The following ZNF99 variants were observed in gnomAD, a reference collection of about 807,000 sequenced individuals.
The protein encoded by ZNF99 is zinc finger protein ENSP00000375192.
A neutral mutation model predicts 12.8 loss-of-function variants in ZNF99; 8 were observed. The ratio of observed to expected loss-of-function variants is 0.62; its 90% CI spans 0.37 to 1.13. The LOEUF is 1.13. ZNF99 is among the 50% of genes most tolerant of loss of function. The probability of loss-of-function intolerance (pLI) is 0.02; values close to 1 mark genes in which losing one functional copy is unlikely to be tolerated. For missense variants in ZNF99, 1,007 were observed against 1,006.2 expected (o/e 1.00, Z -0.01); for synonymous variants, 318 against 319.0 (o/e 1.00, Z 0.03).
Position 22,768,636 on chromosome 19 carries a change from A to AT in ZNF99, c.131-237dup, listed in dbSNP as rs201759448. On this transcript the variant is annotated intron_variant, in intron 2 of 3. Coordinates refer to ENST00000596209, the MANE Select transcript of ZNF99 (RefSeq NM_001080409.3). ...TGAGATTTCAAGGTGTGGCAACTACATTTTATGCCACTAAATTTCTTCAAT... is the reference window on the plus strand; with the variant it reads ...TGAGATTTCAAGGTGTGGCAACTACATTTTTATGCCACTAAATTTCTTCAAT... Among the ~76,000 whole-genome samples, 1,370 of 152,308 alleles carry AT rather than the reference A, an allele frequency of 9.0e-3. 11 individuals are homozygous for AT. Among genetic ancestry groups the AT allele is most frequent in the Non-Finnish European group, 0.014 (975 of 68,040 alleles).
In ZNF99 at chr19:22,754,098, T is replaced by C; in HGVS notation, c.*3216A>G. ...TCGACCGGGCTCAATGGCTCATGCT[T>C]GTAATCCCAGCACTTTGGGGCACTT... On this transcript the variant is annotated 3_prime_UTR_variant, in exon 4 of 4. Coordinates refer to ENST00000596209, the MANE Select transcript of ZNF99 (RefSeq NM_001080409.3). The C allele has an allele frequency of 2.2e-6, 1 of 455,152 alleles. No individual in the cohort carries two copies. Among genetic ancestry groups the C allele is most frequent in the Non-Finnish European group, 4.4e-6 (1 of 226,740 alleles). 28.2% of individuals were successfully genotyped at this position (455,152 alleles called of 1,614,324 possible).
chr19:22,764,699 G>C (rs1473727021), intron 3 of ZNF99, among the ~76,000 whole-genome samples: 1 of 151,718 alleles, frequency 6.6e-6, no homozygotes, highest in Admixed American at 6.6e-5. Context: ...TTCAACAGAA[G>C]ATATACAAAT....
chr19:22,768,322 A>T lies in ZNF99; in HGVS notation c.209T>A (p.Met70Lys). ...TCACATACCTGGGGGTTTAGTTACC[A>T]TCTCATGTCTCTTCATATTCCAAGG... Reference protein sequence around the residue: ...KEPWNMKRHEMVTKPPVISSH... With the variant: ...KEPWNMKRHEKVTKPPVISSH... Residue 70 changes from methionine (M) to lysine (K), a missense_variant, in exon 3 of 4, where the codon ATG (methionine) becomes AAG (lysine). Physicochemically the swap from Met to Lys is moderately conservative, Grantham distance 95. Coordinates refer to ENST00000596209, the MANE Select transcript of ZNF99 (RefSeq NM_001080409.3). 1 of 1,613,832 alleles carries T rather than the reference A, an allele frequency of 6.2e-7. No homozygotes were observed. The highest frequency in any genetic ancestry group is 1.7e-4 in the Middle Eastern group (1 of 6,050).
intron 3 of ZNF99, among the ~76,000 whole-genome samples, chr19:22,761,321 A>G (rs1486917552): frequency 6.6e-6 from 1 of 152,176 alleles, no homozygotes; most frequent in Non-Finnish European, 1.5e-5. Flanking sequence ...CATGCTAAAC[A>G]AGAGGTTCAT....
In ZNF99 at chr19:22,757,838, C is replaced by A; in HGVS notation, c.2071G>T (p.Ala691Ser). The A allele has an allele frequency of 6.2e-7, 1 of 1,608,608 alleles. No homozygotes were observed. The highest frequency in any genetic ancestry group is 8.5e-7 in the Non-Finnish European group (1 of 1,177,876). Reference protein sequence around the residue: ...ECGKAFNHFSALRKHKIIHTG... With the variant: ...ECGKAFNHFSSLRKHKIIHTG... ...TGAATTATCTTATGTTTCCTAAGGG[C>A]TGAGAAATGGTTAAAAGCCTTGCCA... The change falls in exon 4 of 4, where the codon GCC becomes TCC. Residue 691 changes from alanine to serine, a missense_variant. Ala to Ser is a moderately conservative substitution (Grantham distance 99, BLOSUM62 1). Transcript: ENST00000596209.
At chr19:22,763,090 A>C (rs1272778449) in intron 3 of ZNF99, among the ~76,000 whole-genome samples, 1 of 152,080 alleles carries the variant, frequency 6.6e-6, no homozygotes, top group African/African-American at 2.4e-5. Context: ...AAGGATGCCC[A>C]CTTTCACCCC....
At chr19:22,766,540 T>C (rs1226044935) in intron 3 of ZNF99, among the ~76,000 whole-genome samples, 1 of 151,996 alleles carries the variant, frequency 6.6e-6, no homozygotes, top group Non-Finnish European at 1.5e-5. Context: ...GGTTTCATTG[T>C]GTTGGCCAGG....
intron 3 of ZNF99, among the ~76,000 whole-genome samples, chr19:22,766,332 ATTTCT>A (rs761638794): frequency 2.0e-5 from 3 of 148,428 alleles, no homozygotes; most frequent in Non-Finnish European, 4.4e-5. Context: ...ATGTAACTTT[ATTTCT>A]TTTCTTTTCT....
chr19:22,771,415 C>G (rs1301097958), intron 1 of ZNF99, among the ~76,000 whole-genome samples: 9 of 151,386 alleles, frequency 5.9e-5, no homozygotes, highest in Non-Finnish European at 1.3e-4. Flanking sequence ...GCCACCACGC[C>G]CGGCTAATTT....
At position 22,782,419 on chromosome 19, in the gene ZNF99, G is replaced by A. The variant is rs144832582; in HGVS notation, c.3+1595C>T. On this transcript the variant is annotated intron_variant, in intron 1 of 3. Transcript: ENST00000596209. ...TGCCCAGAATGGACTGCAATGGCGC[G>A]ATCTCGGCTCACCGCAACCTCTATC... Among the ~76,000 whole-genome samples, 23 of 151,598 alleles carry A rather than the reference G, an allele frequency of 1.5e-4. 1 individual carries two copies. In the East Asian group the frequency reaches 2.3e-3, roughly 15 times the overall value.
In ZNF99 at chr19:22,752,533, A is replaced by G. The variant is rs941609174; in HGVS notation, c.*4781T>C. 10 of 152,090 alleles carry G rather than the reference A, an allele frequency of 6.6e-5. No homozygotes were observed. Among genetic ancestry groups the G allele is most frequent in the Admixed American group, 6.5e-4 (10 of 15,270 alleles). 9.4% of individuals were successfully genotyped at this position (152,090 alleles called of 1,614,324 possible). A position where few individuals can be genotyped will look rare whatever the true frequency, so the allele number is the denominator to read the frequency against. ...GTATAAAAATGTAACCTACGAGAAC[A>G]ATATTCTTTAATTTATTTGCAGGTT... On this transcript the variant is annotated 3_prime_UTR_variant, in exon 4 of 4. Transcript: ENST00000596209.
rs972831064 is a variant in ZNF99, at chr19:22,767,615, TA to T, written c.226+689del. 8.0e-4 allele frequency among the ~76,000 whole-genome samples: 122 copies of T among 152,032 alleles called. 1 individual carries two copies. The highest frequency in any genetic ancestry group is 4.1e-3 in the Admixed American group (63 of 15,234). On this transcript the variant is annotated intron_variant, in intron 3 of 3. Transcript: ENST00000596209. ...TAGGTATAACAACAGGCCTCCAAAATATATAAATATTGACATAGGTGAAGCA... is the reference window on the plus strand; with the variant it reads ...TAGGTATAACAACAGGCCTCCAAAATTATAAATATTGACATAGGTGAAGCA...
At position 22,758,931 on chromosome 19, in the gene ZNF99, T is replaced by G. The variant is rs769149396; in HGVS notation, c.978A>C (p.Ser326=). The change falls in exon 4 of 4, where the codon TCA becomes TCC. Residue 326 remains serine (S), a synonymous_variant. Coordinates refer to ENST00000596209, the MANE Select transcript of ZNF99 (RefSeq NM_001080409.3). ...EECGKAFNHF[S]ALRKHQIIHT... ...GAATTATCTGATGTTTTCTAAGGGC[T>G]GAGAAATGGTTAAAAGCTTTGCCAC... 19 of 1,613,822 alleles carry G rather than the reference T, an allele frequency of 1.2e-5. No homozygotes were observed. In the African/African-American group the frequency reaches 2.3e-4, roughly 19 times the overall value.
At position 22,756,327 on chromosome 19, in the gene ZNF99, T is replaced by C. The variant is rs879000189; in HGVS notation, c.*987A>G. The C allele has an allele frequency of 2.5e-6, 4 of 1,579,288 alleles. No homozygotes were observed. The South Asian group carries it at 4.5e-5, about 18-fold the overall frequency. ...CCAGTATGAATTGTTTTATGTTGAG[T>C]AAGGTGTGAGGACTGGTTAAAGGCT... On this transcript the variant is annotated 3_prime_UTR_variant, in exon 4 of 4. Transcript: ENST00000596209.
intron 2 of ZNF99, 63 bp from the exon 3 acceptor site, chr19:22,768,463 A>G (rs1297935385): frequency 7.3e-7 from 1 of 1,363,802 alleles, no homozygotes; most frequent in Admixed American, 2.3e-5. Flanking sequence ...GTGCTCATTA[A>G]AGAGAATGTA....
Position 22,753,986 on chromosome 19 carries a change from G to A in ZNF99, c.*3328C>T, listed in dbSNP as rs116869037. ...TCTTTTATGTTTAGAAAAGTTTAAG[G>A]TGTTCTCAAGAGCACTGTCATGTCT... On this transcript the variant is annotated 3_prime_UTR_variant, in exon 4 of 4. Coordinates refer to ENST00000596209, the MANE Select transcript of ZNF99 (RefSeq NM_001080409.3). 1,411 of 455,110 alleles carry A rather than the reference G, an allele frequency of 3.1e-3. 6 individuals are homozygous for A. The highest frequency in any genetic ancestry group is 4.1e-3 in the Non-Finnish European group (922 of 226,318). 28.2% of individuals were successfully genotyped at this position (455,110 alleles called of 1,614,324 possible). A position where few individuals can be genotyped will look rare whatever the true frequency, so the allele number is the denominator to read the frequency against.
Position 22,759,052 on chromosome 19 carries a change from T to G in ZNF99, c.857A>C (p.Lys286Thr), listed in dbSNP as rs764987059. Residue 286 changes from lysine to threonine, a missense_variant, in exon 4 of 4, where the codon AAA becomes ACA. Coordinates refer to ENST00000596209, the MANE Select transcript of ZNF99 (RefSeq NM_001080409.3). ...AAAAGCTTTGCCACATTCTTCACAT[T>G]TATATGGTTTCTTCCCAGTATGAAT... is the stretch of plus-strand genomic sequence containing the variant. ...KIIHTGKKPY[K>T]CEECGKAFKQ... 1 of 1,613,766 alleles carries G rather than the reference T, an allele frequency of 6.2e-7. No individual in the cohort carries two copies. The highest frequency in any genetic ancestry group is 8.5e-7 in the Non-Finnish European group (1 of 1,179,814).
intron 3 of ZNF99, among the ~76,000 whole-genome samples, chr19:22,766,272 A>G (rs1246629462): frequency 6.7e-6 from 1 of 148,874 alleles, no homozygotes; most frequent in Non-Finnish European, 1.5e-5. Context: ...AAGAAATGAG[A>G]CAAAATATGT....
rs559335551 is a variant in ZNF99 at position 22,759,157 on chromosome 19, T to C, written c.752A>G (p.His251Arg). The C allele has an allele frequency of 3.7e-6, 6 of 1,605,862 alleles. No homozygotes were observed. The African/African-American group carries it at 5.3e-5, about 14-fold the overall frequency. ...SSMFTKCKII[H>R]TGKKPCKCEE... is the part of the protein sequence containing the mutation. ...ACATTTGCAGGGTTTCTTTCCAGTA[T>C]GAATTATCTTACATTTAGTGAACAT... is the stretch of plus-strand genomic sequence containing the variant. Residue 251 changes from histidine to arginine, a missense_variant, in exon 4 of 4, where the codon CAT becomes CGT. Transcript: ENST00000596209.
Sources: gnomAD v4.1 joint callset for allele counts (sites outside exome capture counted in the v4.1 genomes callset) on GRCh38, gnomAD v4.1.1 for gene constraint, MANE v1.5 for transcripts, NCBI Gene and HGNC (gene_info 2026-07-23, HGNC 2026-07-21) for gene names.